Variants in ERC2 observed in about 807,000 individuals in gnomAD.
ERC2 encodes the protein ERC protein 2.
In ERC2, 42 loss-of-function variants were observed where a neutral mutation model predicts 114.8. The ratio of observed to expected loss-of-function variants is 0.37; its 90% CI spans 0.29 to 0.47. ERC2 has a LOEUF of 0.47. ERC2 is among the 20% of genes least tolerant of loss of function. ERC2 has a pLI of 0.99. For missense variants in ERC2, 939 were observed against 1,150.7 expected (o/e 0.82, Z 2.66); for synonymous variants, 454 against 425.5 (o/e 1.07, Z -0.82).
chr3:55,945,965 C>T (rs1576311030), intron 13 of ERC2, among the ~76,000 whole-genome samples: 1 of 151,578 alleles, frequency 6.6e-6, no homozygotes, highest in Non-Finnish European at 1.5e-5. Context: ...TTTATTAACT[C>T]GATAAGCTAC....
In ERC2 at chr3:56,443,958, A is replaced by ATTTTTTTTTTTT. The variant is rs11343406; in HGVS notation, c.-140-8823_-140-8812dup. Among the ~76,000 whole-genome samples, 258 of 80,174 alleles carry ATTTTTTTTTTTT rather than the reference A, an allele frequency of 3.2e-3. 2 individuals carry two copies. Among genetic ancestry groups the ATTTTTTTTTTTT allele is most frequent in the Middle Eastern group, 0.01 (1 of 100 alleles). 52.6% of individuals were successfully genotyped at this position (80,174 alleles called of 152,430 possible). ...TGTGAACTCTTTAAAAATACCTACA[A>ATTTTTTTTTTTT]TTTTTTTTTTTTTTTTTTGGTTGAG... On this transcript the variant is annotated intron_variant, in intron 1 of 17. Transcript: ENST00000288221.
At chr3:55,597,117 T>C (rs2058175210) in intron 17 of ERC2, among the ~76,000 whole-genome samples, 1 of 152,140 alleles carries the variant, frequency 6.6e-6, no homozygotes, top group African/African-American at 2.4e-5. Flanking sequence ...TCTGCACTTC[T>C]GTGTTAAAAG....
At chr3:55,917,927 A>G (rs2065196959) in intron 13 of ERC2, among the ~76,000 whole-genome samples, 1 of 152,080 alleles carries the variant, frequency 6.6e-6, no homozygotes, top group Admixed American at 6.5e-5. Flanking sequence ...GCTAATTGAG[A>G]GTTGCCTTGA....
At chr3:55,752,916 A>G (rs1023560033) in intron 14 of ERC2, among the ~76,000 whole-genome samples, 8 of 152,340 alleles carry the variant, frequency 5.3e-5, no homozygotes, top group Admixed American at 4.6e-4. Flanking sequence ...CCCCTCAGTC[A>G]CAATGCTGCC....
rs559179310 is a variant in ERC2 at position 56,216,511 on chromosome 3, A to G, written c.1075-42991T>C. On this transcript the variant is annotated intron_variant, in intron 3 of 17. Transcript: ENST00000288221. ...TTGAAGCAATAATTAATAGCTTACC[A>G]ACCAAAAACAGTCCAGAACCAGACA... 3.3e-5 allele frequency among the ~76,000 whole-genome samples: 5 copies of G among 152,366 alleles called. No individual in the cohort carries two copies. The South Asian group carries it at 8.3e-4, about 25-fold the overall frequency.
At chr3:55,805,381 T>G (rs1445341986) in intron 14 of ERC2, among the ~76,000 whole-genome samples, 2 of 151,914 alleles carry the variant, frequency 1.3e-5, no homozygotes, top group Non-Finnish European at 1.5e-5. Flanking sequence ...CAATAAATAT[T>G]AGTTGAGTAA....
At chr3:56,136,791 T>C (rs2080531441) in intron 6 of ERC2, among the ~76,000 whole-genome samples, 1 of 152,236 alleles carries the variant, frequency 6.6e-6, no homozygotes, top group East Asian at 1.9e-4. Flanking sequence ...TCTGTTTCCA[T>C]GTACAAAGAG....
chr3:56,036,214 A>T (rs1451322801), intron 7 of ERC2, among the ~76,000 whole-genome samples: 1 of 152,234 alleles, frequency 6.6e-6, no homozygotes, highest in Non-Finnish European at 1.5e-5. Context: ...CCTCAACATA[A>T]TCAAGGTTAT....
intron 13 of ERC2, among the ~76,000 whole-genome samples, chr3:55,939,507 A>T (rs1018154343): frequency 1.3e-5 from 2 of 152,250 alleles, no homozygotes; most frequent in Non-Finnish European, 2.9e-5. Flanking sequence ...TATGCACAGT[A>T]TTCTTAACCT....
chr3:56,172,226 G>T (rs948709902), intron 4 of ERC2, among the ~76,000 whole-genome samples: 6 of 151,924 alleles, frequency 3.9e-5, no homozygotes, highest in Non-Finnish European at 5.9e-5. Flanking sequence ...AATCCTATTG[G>T]CATTTGGTCC....
At chr3:55,545,325 T>A (rs923753343) in intron 17 of ERC2, among the ~76,000 whole-genome samples, 3 of 152,156 alleles carry the variant, frequency 2.0e-5, no homozygotes, top group Non-Finnish European at 4.4e-5. Flanking sequence ...TCCAATTACA[T>A]GACTCCACTG....
chr3:56,414,299 T>G (rs1036115829), intron 2 of ERC2, among the ~76,000 whole-genome samples: 2 of 152,184 alleles, frequency 1.3e-5, no homozygotes, highest in Non-Finnish European at 2.9e-5. Flanking sequence ...CTCTGACTTT[T>G]GAGAATTAAC....
At chr3:55,853,938 A>ATT (rs2149247660) in intron 14 of ERC2, among the ~76,000 whole-genome samples, 1 of 152,308 alleles carries the variant, frequency 6.6e-6, no homozygotes, top group African/African-American at 2.4e-5. Flanking sequence ...CTTTGACCAC[A>ATT]AGGCCTAAAT....
At chr3:56,008,625 T>C (rs2072683580) in intron 9 of ERC2, among the ~76,000 whole-genome samples, 1 of 152,180 alleles carries the variant, frequency 6.6e-6, no homozygotes, top group Non-Finnish European at 1.5e-5. Flanking sequence ...CCAGTTTTAG[T>C]CAACTTGGCT....
In ERC2 at chr3:56,284,988, GTCTCTCTC is replaced by G. The variant is rs397873939; in HGVS notation, c.1074+11023_1074+11030del. Among the ~76,000 whole-genome samples the G allele has an allele frequency of 4.3e-5, 5 of 115,604 alleles. No individual in the cohort carries two copies. In the South Asian group the frequency reaches 9.4e-4, roughly 22 times the overall value. The allele number at this position is 115,604 out of a possible 152,430, so 75.8% of individuals were successfully genotyped here. A position where few individuals can be genotyped will look rare whatever the true frequency, so the allele number is the denominator to read the frequency against. On this transcript the variant is annotated intron_variant, in intron 3 of 17. Transcript: ENST00000288221. ...TGTCTCTATCAATCTCAATCACTCTGTCTCTCTCTCTCTCTCTCTCTCTCACACACACA... is the reference window on the plus strand; with the variant it reads ...TGTCTCTATCAATCTCAATCACTCTGTCTCTCTCTCTCTCTCACACACACA...
At chr3:56,458,758 G>A (rs2063178580) in intron 1 of ERC2, among the ~76,000 whole-genome samples, 1 of 152,144 alleles carries the variant, frequency 6.6e-6, no homozygotes, top group South Asian at 2.1e-4. Context: ...GGGGAGGAGG[G>A]AATGTTACAG....
At chr3:55,799,012 A>G (rs2070755615) in intron 14 of ERC2, among the ~76,000 whole-genome samples, 1 of 152,208 alleles carries the variant, frequency 6.6e-6, no homozygotes, top group African/African-American at 2.4e-5. Flanking sequence ...AAGCGCATGT[A>G]CGTAAGAGGG....
At chr3:55,842,505 A>C (rs558600067) in intron 14 of ERC2, among the ~76,000 whole-genome samples, 1 of 152,226 alleles carries the variant, frequency 6.6e-6, no homozygotes, top group East Asian at 1.9e-4. Context: ...CTCAAGTTTA[A>C]CTAGTTATTT....
intron 13 of ERC2, among the ~76,000 whole-genome samples, chr3:55,940,880 G>A (rs2066743072): frequency 6.6e-6 from 1 of 152,012 alleles, no homozygotes; most frequent in Admixed American, 6.5e-5. Flanking sequence ...TTTTTGGAGG[G>A]GCCTGACCAG....
Sources: allele counts gnomAD v4.1 joint callset (sites outside exome capture counted in the v4.1 genomes callset), GRCh38; gene constraint gnomAD v4.1.1; transcripts MANE v1.5; gene names NCBI Gene and HGNC (gene_info 2026-07-23, HGNC 2026-07-21).